PGAM5: variants seen among roughly 807,000 people sequenced by gnomAD.
The protein encoded by PGAM5 is PGAM family member 5, mitochondrial serine/threonine protein phosphatase.
In PGAM5, 25 loss-of-function variants were observed where a neutral mutation model predicts 30.6. The ratio of observed to expected loss-of-function variants is 0.82; its 90% confidence interval spans 0.60 to 1.14. The LOEUF (loss-of-function observed/expected upper bound fraction) is 1.14, where lower values mean the gene tolerates loss of function less well. Ranked by LOEUF, PGAM5 falls within the 50% of genes most tolerant of loss-of-function variation. PGAM5 has a pLI of 0.00. For missense variants in PGAM5, 384 were observed against 408.5 expected (o/e 0.94, Z 0.52); for synonymous variants, 201 against 179.1 (o/e 1.12, Z -0.98).
chr12:132,717,932 G>A, intron 4 of PGAM5, 55 bp from the exon 5 acceptor site: 1 of 1,607,784 alleles, frequency 6.2e-7, no homozygotes, highest in Non-Finnish European at 8.5e-7. Flanking sequence ...CTGTCCTCCT[G>A]ACACCCGCCC....
At chr12:132,719,056 G>C (rs1426527959) in intron 5 of PGAM5, 28 of 1,420,446 alleles carry the variant, frequency 2.0e-5, no homozygotes, top group Non-Finnish European at 2.6e-5. Context: ...GGAGCTCCAG[G>C]GCTGCAGCCA....
intron 1 of PGAM5, among the ~76,000 whole-genome samples, chr12:132,713,461 T>A (rs1225352138): frequency 5.3e-5 from 8 of 152,064 alleles, no homozygotes. Flanking sequence ...TGCCTATAGC[T>A]CCCAAATATT....
rs925939696 is a variant in PGAM5, at chr12:132,720,605, C to T, written c.720-73C>T. 11 of 1,467,672 alleles carry T rather than the reference C, an allele frequency of 7.5e-6. No homozygotes were observed. The African/African-American group carries it at 1.1e-4, about 15-fold the overall frequency. The allele number at this position is 1,467,672 out of a possible 1,614,324, so 90.9% of individuals were successfully genotyped here. On this transcript the variant is annotated intron_variant, in intron 5 of 5. Transcript: ENST00000498926. ...ACAGGTGTGAGCCACCATGCCCGGC[C>T]TAGCTCAGCCCGTTTTAAGGACAGA...
At chr12:132,714,294 C>T (rs541561690) in intron 1 of PGAM5, among the ~76,000 whole-genome samples, 8 of 152,306 alleles carry the variant, frequency 5.3e-5, no homozygotes, top group East Asian at 1.9e-4. Context: ...TGGGATTACA[C>T]GTGTGAGCCA....
At chr12:132,715,742 A>G (rs2043570058) in intron 2 of PGAM5, among the ~76,000 whole-genome samples, 2 of 152,076 alleles carry the variant, frequency 1.3e-5, no homozygotes, top group Non-Finnish European at 2.9e-5. Flanking sequence ...AGCCGGGTGC[A>G]GTGGCAGGCA....
At position 132,718,122 on chromosome 12, in the gene PGAM5, T is replaced by C. The variant is rs1478022000; in HGVS notation, c.719+2T>C. On this transcript the variant is annotated splice_donor_variant, in intron 5 of 5. Coordinates refer to ENST00000498926, the MANE Select transcript of PGAM5 (RefSeq NM_001170543.2). LOFTEE classifies it high-confidence loss of function. ...CGTCATCCGCTACATCGTGTGCAGG[T>C]AGGCAGCTGCTGGGCTGGGCGTGGT... The C allele has an allele frequency of 6.2e-7, 1 of 1,612,284 alleles. No individual in the cohort carries two copies. The highest frequency in any genetic ancestry group is 8.5e-7 in the Non-Finnish European group (1 of 1,179,904).
intron 5 of PGAM5, among the ~76,000 whole-genome samples, 158 bp from the exon 6 acceptor site, chr12:132,720,520 G>A (rs1326981095): frequency 1.3e-5 from 2 of 151,962 alleles, no homozygotes; most frequent in African/African-American, 4.8e-5. Flanking sequence ...TGTTAGCTGG[G>A]ATGGTCTCGA....
rs565380622 is a variant in PGAM5 at position 132,722,229 on chromosome 12, G to A, written c.*1401G>A. The A allele has an allele frequency of 2.7e-5, 4 of 150,874 alleles. No individual in the cohort carries two copies. In the East Asian group the frequency reaches 5.8e-4, roughly 22 times the overall value. The allele number at this position is 150,874 out of a possible 1,614,324, so 9.3% of individuals were successfully genotyped here. ...CCTCCAGTTAATCTTTTATGCTTAG[G>A]GATTAAATGTGTGGTTTTTTTTTTG... On this transcript the variant is annotated 3_prime_UTR_variant, in exon 6 of 6. Coordinates refer to ENST00000498926, the MANE Select transcript of PGAM5 (RefSeq NM_001170543.2).
chr12:132,713,793 G>A (rs1390321753), intron 1 of PGAM5, among the ~76,000 whole-genome samples: 1 of 151,874 alleles, frequency 6.6e-6, no homozygotes, highest in South Asian at 2.1e-4. Flanking sequence ...TCAGCCTCCT[G>A]AGTAGCCGGG....
chr12:132,718,879 C>T, intron 5 of PGAM5: 2 of 1,610,462 alleles, frequency 1.2e-6, no homozygotes, highest in South Asian at 1.1e-5. Context: ...GGTGTCCGCT[C>T]CCCTCTGGGT....
chr12:132,717,629 T>C (rs928043720), intron 3 of PGAM5, 65 bp downstream of exon 3: 2 of 1,594,472 alleles, frequency 1.3e-6, no homozygotes, highest in Non-Finnish European at 1.7e-6. Context: ...GGCCCCGGCC[T>C]GAGCTCCTGG....
intron 2 of PGAM5, among the ~76,000 whole-genome samples, chr12:132,715,822 T>C (rs2043571371): frequency 6.6e-6 from 1 of 151,788 alleles, no homozygotes; most frequent in South Asian, 2.1e-4. Context: ...GAGGTTGCAG[T>C]GAGCCAAGAT....
chr12:132,716,087 G>A lies in PGAM5; in HGVS notation c.370+1051G>A, dbSNP rs538633713. 2.0e-4 allele frequency among the ~76,000 whole-genome samples: 31 copies of A among 151,932 alleles called. No homozygotes were observed. The East Asian group carries it at 5.9e-3, about 29-fold the overall frequency. ...CTCACAGGCCTGATGCCTGGCGTCT[G>A]CTTGTTTGTTTGTTTTGAGACATAG... On this transcript the variant is annotated intron_variant, in intron 2 of 5. Coordinates refer to ENST00000498926, the MANE Select transcript of PGAM5 (RefSeq NM_001170543.2).
At chr12:132,713,431 T>C (rs2043540995) in intron 1 of PGAM5, among the ~76,000 whole-genome samples, 1 of 152,162 alleles carries the variant, frequency 6.6e-6, no homozygotes, top group South Asian at 2.1e-4. Context: ...TCTCATGCAG[T>C]TTACGGCTTC....
chr12:132,715,140 C>T, intron 2 of PGAM5, 104 bp downstream of exon 2: 1 of 1,232,428 alleles, frequency 8.1e-7, no homozygotes, highest in Non-Finnish European at 1.1e-6. Context: ...CCTCCGCCGA[C>T]CCCCTTGGTC....
chr12:132,720,857 T>TC lies in PGAM5; in HGVS notation c.*32dup, dbSNP rs1038093253. 3 of 1,530,214 alleles carry TC rather than the reference T, an allele frequency of 2.0e-6. No individual in the cohort carries two copies. The African/African-American group carries it at 4.1e-5, about 21-fold the overall frequency. The allele number at this position is 1,530,214 out of a possible 1,614,324, so 94.8% of individuals were successfully genotyped here. On this transcript the variant is annotated 3_prime_UTR_variant, in exon 6 of 6. Transcript: ENST00000498926. ...CTCCGGCCTCTCCTTCCCTCTGTCC[T>TC]CCCTGCACAGGCCGCACACACTTAA...
chr12:132,717,016 G>A (rs1197534830), intron 2 of PGAM5, among the ~76,000 whole-genome samples: 1 of 152,236 alleles, frequency 6.6e-6, no homozygotes, highest in East Asian at 1.9e-4. Context: ...GTCCCGCTGT[G>A]TTGGCCTCCG....
intron 2 of PGAM5, 121 bp from the exon 3 acceptor site, chr12:132,717,318 T>G: frequency 9.0e-7 from 1 of 1,113,394 alleles, no homozygotes; most frequent in Non-Finnish European, 1.2e-6. Flanking sequence ...GAGGGGGTGT[T>G]TGCGGGCGGA....
chr12:132,713,563 G>A (rs2043542718), intron 1 of PGAM5, among the ~76,000 whole-genome samples: 1 of 152,172 alleles, frequency 6.6e-6, no homozygotes, highest in Admixed American at 6.5e-5. Flanking sequence ...CCCAAACGGA[G>A]CCCTTGAGTC....
Sources: allele counts gnomAD v4.1 joint callset (sites outside exome capture counted in the v4.1 genomes callset), GRCh38; gene constraint gnomAD v4.1.1; transcripts MANE v1.5; gene names NCBI Gene and HGNC (gene_info 2026-07-23, HGNC 2026-07-21).